Variants in FBXL2 observed in about 807,000 individuals in gnomAD.
FBXL2 encodes F-box and leucine rich repeat protein 2.
In FBXL2, 38 loss-of-function variants were observed where a neutral mutation model predicts 69.2. The ratio of observed to expected loss-of-function variants is 0.55; its 90% CI spans 0.42 to 0.72. The LOEUF is 0.72. Among genes scored for constraint, FBXL2 ranks in the 30% least tolerant of loss-of-function variants. The pLI is 0.00. For missense variants in FBXL2, 354 were observed against 520.3 expected (o/e 0.68, Z 3.11); for synonymous variants, 192 against 201.3 (o/e 0.95, Z 0.39).
chr3:33,322,064 ATTTTTTTTTTTTT>A (rs34703817), intron 2 of FBXL2, among the ~76,000 whole-genome samples: 102 of 62,482 alleles, frequency 1.6e-3, no homozygotes, highest in African/African-American at 6.4e-3. Context: ...TGACTAGGTG[ATTTTTTTTTTTTT>A]TTTTTTTTTT....
intron 12 of FBXL2, chr3:33,393,339 G>A (rs2293250): frequency 0.47 from 761,406 of 1,607,298 alleles, 184,118 homozygotes; most frequent in Admixed American, 0.69. Context: ...TGTGAATACC[G>A]GTGGGACCCT....
At chr3:33,284,205 C>T (rs560369639) in intron 1 of FBXL2, among the ~76,000 whole-genome samples, 1 of 152,230 alleles carries the variant, frequency 6.6e-6, no homozygotes, top group African/African-American at 2.4e-5. Context: ...AAATTTCCCT[C>T]TACACACTGC....
At chr3:33,315,332 C>G (rs9876274) in intron 2 of FBXL2, among the ~76,000 whole-genome samples, 1,543 of 136,188 alleles carry the variant, frequency 0.011, 22 homozygotes, top group African/African-American at 0.04. Context: ...TACTTTCTTT[C>G]TTTCTTTTGC....
chr3:33,392,888 G>T (rs758252792), downstream of FBXL2: 1 of 380,016 alleles, frequency 2.6e-6, no homozygotes, highest in East Asian at 4.1e-5. Flanking sequence ...ATGATGACTC[G>T]AACAAAAATT....
chr3:33,373,531 C>T, intron 7 of FBXL2, 47 bp from the exon 8 acceptor site: 4 of 1,613,506 alleles, frequency 2.5e-6, no homozygotes, highest in South Asian at 1.1e-5. Flanking sequence ...GTCATTAACT[C>T]TCTACAGGAG....
At chr3:33,408,115 G>C (rs1047487457), downstream of FBXL2, among the ~76,000 whole-genome samples, 1 of 151,754 alleles carries the variant, frequency 6.6e-6, no homozygotes, top group Non-Finnish European at 1.5e-5. Flanking sequence ...AATCCCATCA[G>C]AGTTTTTTTT....
chr3:33,413,608 C>T, the FBXL2 span, among the ~76,000 whole-genome samples: 2 of 150,942 alleles, frequency 1.3e-5, no homozygotes, highest in Non-Finnish European at 3.0e-5. Context: ...AACAAAAATC[C>T]GAAACACTGC....
intron 2 of FBXL2, among the ~76,000 whole-genome samples, chr3:33,311,748 C>T (rs1439454407): frequency 6.6e-6 from 1 of 152,150 alleles, no homozygotes; most frequent in East Asian, 1.9e-4. Flanking sequence ...CCTCAGCCTC[C>T]TGAGTAGCTG....
chr3:33,403,223 C>G (rs923275238), intron 12 of FBXL2: 16 of 260,742 alleles, frequency 6.1e-5, no homozygotes, highest in Non-Finnish European at 9.8e-5. Flanking sequence ...TACCAGTATC[C>G]TCTTTATCAG....
At chr3:33,420,087 G>A in the FBXL2 span, among the ~76,000 whole-genome samples, 1 of 152,074 alleles carries the variant, frequency 6.6e-6, no homozygotes, top group Non-Finnish European at 1.5e-5. Flanking sequence ...GGACTCCAGG[G>A]CAACATGGAG....
rs150901933 is a variant in FBXL2 at position 33,292,150 on chromosome 3, C to T, written c.4-5514C>T. Among the ~76,000 whole-genome samples the T allele has an allele frequency of 5.6e-3, 854 of 152,268 alleles. 4 individuals carry two copies. The highest frequency in any genetic ancestry group is 9.3e-3 in the Non-Finnish European group (633 of 68,010). Reference sequence around the variant, plus strand: ...ATCACAGCACTTTGGAAGGCCGAGGCAGGTGGATCACTTGAGCTCAGGAGT... The same window carrying T: ...ATCACAGCACTTTGGAAGGCCGAGGTAGGTGGATCACTTGAGCTCAGGAGT... On this transcript the variant is annotated intron_variant, in intron 1 of 14. Coordinates refer to ENST00000484457, the MANE Select transcript of FBXL2 (RefSeq NM_012157.5).
chr3:33,364,426 G>A (rs2041823894), intron 4 of FBXL2, 199 bp from the exon 5 acceptor site: 1 of 593,442 alleles, frequency 1.7e-6, no homozygotes, highest in African/African-American at 1.9e-5. Context: ...AATACTTAAT[G>A]CTTTAATTGG....
chr3:33,382,945 A>T (rs1389032006), intron 13 of FBXL2: 1 of 152,116 alleles, frequency 6.6e-6, no homozygotes, highest in African/African-American at 2.4e-5. Context: ...TTCTTCCTAA[A>T]CAGTACTTGC....
chr3:33,377,921 A>T (rs2042750600), intron 11 of FBXL2, among the ~76,000 whole-genome samples, 182 bp from the exon 12 acceptor site: 1 of 152,214 alleles, frequency 6.6e-6, no homozygotes, highest in African/African-American at 2.4e-5. Context: ...GTTCCAAAGC[A>T]CTGTAACTCA....
At chr3:33,332,932 G>A (rs576770149) in intron 2 of FBXL2, among the ~76,000 whole-genome samples, 5 of 152,206 alleles carry the variant, frequency 3.3e-5, no homozygotes, top group Admixed American at 6.5e-5. Context: ...AAAGGACTAC[G>A]GATACATGTT....
intron 2 of FBXL2, among the ~76,000 whole-genome samples, chr3:33,318,363 C>T (rs2037893051): frequency 6.6e-6 from 1 of 152,044 alleles, no homozygotes; most frequent in African/African-American, 2.4e-5. Flanking sequence ...TTTTCTCTTC[C>T]CTTTTATTTC....
chr3:33,411,647 A>T, the FBXL2 span: 5 of 1,614,142 alleles, frequency 3.1e-6, no homozygotes, highest in Non-Finnish European at 4.2e-6. Context: ...ACTGGCTTGG[A>T]TTCGTCCTTG....
chr3:33,292,131 G>T (rs1360752261), intron 1 of FBXL2, among the ~76,000 whole-genome samples: 1 of 152,178 alleles, frequency 6.6e-6, no homozygotes, highest in African/African-American at 2.4e-5. Flanking sequence ...TGTAATCACA[G>T]CACTTTGGAA....
downstream of FBXL2, among the ~76,000 whole-genome samples, chr3:33,408,224 T>C (rs967616712): frequency 1.3e-5 from 2 of 152,200 alleles, no homozygotes; most frequent in African/African-American, 4.8e-5. Flanking sequence ...CACGTGTTAA[T>C]GTCAAGCTTG....
Sources: gnomAD v4.1 joint callset for allele counts (sites outside exome capture counted in the v4.1 genomes callset) on GRCh38, gnomAD v4.1.1 for gene constraint, MANE v1.5 for transcripts, NCBI Gene and HGNC (gene_info 2026-07-23, HGNC 2026-07-21) for gene names.